CACNA1E: variants seen among roughly 807,000 people sequenced by gnomAD.
CACNA1E encodes the protein calcium voltage-gated channel subunit alpha1 E.
CACNA1E carries 40 observed loss-of-function variants against 259.2 expected under a neutral mutation model. The ratio of observed to expected loss-of-function variants is 0.15; its 90% CI spans 0.12 to 0.20. The LOEUF (loss-of-function observed/expected upper bound fraction) is 0.20, where lower values mean the gene tolerates loss of function less well. Ranked by LOEUF, CACNA1E falls within the 10% of genes least tolerant of loss-of-function variation. The pLI is 1.00. For missense variants in CACNA1E, 1,874 were observed against 3,040.1 expected, an observed-to-expected ratio of 0.62 and a Z score of 9.02; for synonymous variants, 1,104 against 1,138.5, an observed-to-expected ratio of 0.97 and a Z score of 0.61.
chr1:181,529,227 G>C (rs1667595442), intron 3 of CACNA1E, among the ~76,000 whole-genome samples: 2 of 151,368 alleles, frequency 1.3e-5, no homozygotes, highest in Non-Finnish European at 1.5e-5. Flanking sequence ...AGTCTTGGCA[G>C]CTTCCACATG....
At chr1:181,674,726 A>C (rs1309882990) in intron 7 of CACNA1E, among the ~76,000 whole-genome samples, 2 of 152,170 alleles carry the variant, frequency 1.3e-5, no homozygotes, top group Non-Finnish European at 2.9e-5. Flanking sequence ...GCTTGACCTG[A>C]CCATCTCTCT....
At chr1:181,615,286 G>C (rs762395238) in intron 6 of CACNA1E, among the ~76,000 whole-genome samples, 1 of 152,154 alleles carries the variant, frequency 6.6e-6, no homozygotes, top group Non-Finnish European at 1.5e-5. Context: ...TGCCTCCCGG[G>C]TTCGAGCAAT....
chr1:181,705,007 T>C (rs768353079), intron 7 of CACNA1E, among the ~76,000 whole-genome samples: 16 of 152,154 alleles, frequency 1.1e-4, no homozygotes, highest in Admixed American at 5.9e-4. Flanking sequence ...ACCTCACTTC[T>C]AATCCCCAAG....
intron 6 of CACNA1E, among the ~76,000 whole-genome samples, chr1:181,619,473 A>T (rs1047281977): frequency 5.9e-5 from 9 of 152,290 alleles, no homozygotes; most frequent in African/African-American, 2.2e-4. Flanking sequence ...TGAGACTTTG[A>T]CTTTAACTTG....
chr1:181,404,392 A>G (rs1367936773), intron 1 of CACNA1E, among the ~76,000 whole-genome samples: 2 of 152,232 alleles, frequency 1.3e-5, no homozygotes, highest in African/African-American at 2.4e-5. Context: ...CGTGCTCAGT[A>G]TGCATTTATT....
At chr1:181,671,499 T>C (rs1648790667) in intron 7 of CACNA1E, among the ~76,000 whole-genome samples, 1 of 152,226 alleles carries the variant, frequency 6.6e-6, no homozygotes, top group Admixed American at 6.5e-5. Flanking sequence ...AGGCTTTGGA[T>C]AGCAACTTTG....
At chr1:181,389,360 T>C (rs1656089298) in intron 1 of CACNA1E, among the ~76,000 whole-genome samples, 1 of 152,196 alleles carries the variant, frequency 6.6e-6, no homozygotes, top group African/African-American at 2.4e-5. Flanking sequence ...AGACTTCGTG[T>C]TACCTGTCTG....
At chr1:181,550,595 A>G (rs1164561202) in intron 3 of CACNA1E, among the ~76,000 whole-genome samples, 1 of 152,140 alleles carries the variant, frequency 6.6e-6, no homozygotes, top group African/African-American at 2.4e-5. Context: ...TAGCAGGGAA[A>G]TGAGGGAGAA....
At chr1:181,441,988 T>C (rs1199308822) in intron 2 of CACNA1E, among the ~76,000 whole-genome samples, 1 of 152,128 alleles carries the variant, frequency 6.6e-6, no homozygotes, top group East Asian at 1.9e-4. Flanking sequence ...AGTTGCCAGG[T>C]CTACTCATTT....
At chr1:181,528,150 G>A (rs561049103) in intron 3 of CACNA1E, among the ~76,000 whole-genome samples, 1 of 150,998 alleles carries the variant, frequency 6.6e-6, no homozygotes, top group African/African-American at 2.5e-5. Flanking sequence ...CCCGGGGTGG[G>A]GGGGGCAGTA....
intron 2 of CACNA1E, among the ~76,000 whole-genome samples, chr1:181,470,148 C>A (rs1464044918): frequency 1.3e-5 from 2 of 151,610 alleles, no homozygotes; most frequent in African/African-American, 4.9e-5. Context: ...TGAGCGTGAG[C>A]GAGCTGCTTG....
chr1:181,509,295 C>T (rs575702222), intron 1 of CACNA1E, among the ~76,000 whole-genome samples: 1 of 152,128 alleles, frequency 6.6e-6, no homozygotes, highest in Non-Finnish European at 1.5e-5. Flanking sequence ...CCACAGGTAG[C>T]CTGGCAGGAT....
intron 1 of CACNA1E, among the ~76,000 whole-genome samples, chr1:181,360,692 T>TA (rs769873014): frequency 7.2e-5 from 11 of 152,174 alleles, no homozygotes; most frequent in Admixed American, 1.3e-4. Context: ...GTGAATATAC[T>TA]AAAAACCACT....
At chr1:181,518,599 A>T (rs955260249) in intron 3 of CACNA1E, among the ~76,000 whole-genome samples, 5 of 151,848 alleles carry the variant, frequency 3.3e-5, no homozygotes, top group Non-Finnish European at 7.4e-5. Context: ...CTTCAGGGAG[A>T]CTCCTAGTGA....
chr1:181,638,175 C>T (rs535165753), intron 6 of CACNA1E, among the ~76,000 whole-genome samples: 4 of 152,306 alleles, frequency 2.6e-5, no homozygotes, highest in Admixed American at 6.5e-5. Flanking sequence ...CAAGATCTCC[C>T]TGGCAACAGA....
At chr1:181,604,219 G>C (rs1253744735) in intron 6 of CACNA1E, among the ~76,000 whole-genome samples, 1 of 152,170 alleles carries the variant, frequency 6.6e-6, no homozygotes, top group Non-Finnish European at 1.5e-5. Flanking sequence ...CCTTGTCTCA[G>C]ACTGGGGTCC....
At chr1:181,653,551 T>G (rs1171479030) in intron 7 of CACNA1E, among the ~76,000 whole-genome samples, 1 of 152,220 alleles carries the variant, frequency 6.6e-6, no homozygotes, top group Non-Finnish European at 1.5e-5. Context: ...GAAAATGGAC[T>G]AATACAGCTG....
intron 6 of CACNA1E, among the ~76,000 whole-genome samples, chr1:181,585,161 T>A (rs1651935798): frequency 6.6e-6 from 1 of 152,196 alleles, no homozygotes; most frequent in South Asian, 2.1e-4. Context: ...GGTAAGTGGA[T>A]CTTGGAAGTT....
chr1:181,610,025 G>A (rs1055578692), intron 6 of CACNA1E, among the ~76,000 whole-genome samples: 14 of 152,136 alleles, frequency 9.2e-5, no homozygotes, highest in Middle Eastern at 3.2e-3. Context: ...GTGGCCCCTG[G>A]ACACCAACAC....
Sources: allele counts gnomAD v4.1 joint callset (sites outside exome capture counted in the v4.1 genomes callset), GRCh38; gene constraint gnomAD v4.1.1; transcripts MANE v1.5; gene names NCBI Gene and HGNC (gene_info 2026-07-23, HGNC 2026-07-21).